SGIP1: variants seen among roughly 807,000 people sequenced by gnomAD.
The protein encoded by SGIP1 is SH3GL interacting endocytic adaptor 1.
A neutral mutation model predicts 107.5 loss-of-function variants in SGIP1; 38 were observed. The observed-to-expected ratio is 0.35, with a 90% CI of 0.27 to 0.46. SGIP1 has a LOEUF of 0.46. Among genes scored for constraint, SGIP1 ranks in the 20% least tolerant of loss-of-function variants. The probability of loss-of-function intolerance (pLI) is 1.00; values close to 1 mark genes in which losing one functional copy is unlikely to be tolerated. For missense variants in SGIP1, 929 were observed against 1,019.5 expected (o/e 0.91, Z 1.21); for synonymous variants, 365 against 366.1 (o/e 1.00, Z 0.03).
At chr1:66,595,258 C>A (rs2064407655) in intron 1 of SGIP1, among the ~76,000 whole-genome samples, 1 of 152,206 alleles carries the variant, frequency 6.6e-6, no homozygotes, top group Non-Finnish European at 1.5e-5. Flanking sequence ...ATATCTTTGC[C>A]AGTGCCTGTG....
chr1:66,625,060 A>C (rs1043137602), intron 1 of SGIP1, among the ~76,000 whole-genome samples: 12 of 152,200 alleles, frequency 7.9e-5, no homozygotes, highest in East Asian at 1.9e-4. Context: ...ATCACAGCCT[A>C]CTAGGGAAAC....
chr1:66,680,771 T>C (rs1279089847), intron 14 of SGIP1, among the ~76,000 whole-genome samples: 1 of 152,246 alleles, frequency 6.6e-6, no homozygotes, highest in Non-Finnish European at 1.5e-5. Context: ...CCTTGAAAGT[T>C]AATTCCTTTC....
chr1:66,661,385 C>T (rs1438684287), intron 8 of SGIP1, among the ~76,000 whole-genome samples: 1 of 152,118 alleles, frequency 6.6e-6, no homozygotes, highest in East Asian at 1.9e-4. Flanking sequence ...TTATGCTTCC[C>T]GCTGACCAAA....
chr1:66,690,078 A>C lies in SGIP1; in HGVS notation c.1444-112A>C, dbSNP rs921970460. ...TTTCAGTGTAAAAATGGTGTCATCT[A>C]TTCTTCAGATACCTAAGTTGTCATA... On this transcript the variant is annotated intron_variant, in intron 16 of 24. Transcript: ENST00000371037. 3 of 1,244,234 alleles carry C rather than the reference A, an allele frequency of 2.4e-6. No homozygotes were observed. The African/African-American group carries it at 4.5e-5, about 19-fold the overall frequency. The allele number at this position is 1,244,234 out of a possible 1,614,324, so 77.1% of individuals were successfully genotyped here. A position where few individuals can be genotyped will look rare whatever the true frequency, so the allele number is the denominator to read the frequency against.
At chr1:66,610,713 A>T (rs2067808990) in intron 1 of SGIP1, among the ~76,000 whole-genome samples, 1 of 83,252 alleles carries the variant, frequency 1.2e-5, no homozygotes, top group African/African-American at 5.6e-5. Flanking sequence ...GTCATAGTAT[A>T]GATTTTTTTT....
intron 1 of SGIP1, among the ~76,000 whole-genome samples, chr1:66,581,124 C>T (rs1328500964): frequency 6.6e-6 from 1 of 152,048 alleles, no homozygotes; most frequent in African/African-American, 2.4e-5. Flanking sequence ...TCTATTGAAA[C>T]ACTCTAAGAC....
intron 4 of SGIP1, among the ~76,000 whole-genome samples, chr1:66,638,886 G>A (rs114398753): frequency 1.4e-4 from 22 of 152,248 alleles, no homozygotes; most frequent in Non-Finnish European, 2.5e-4. Flanking sequence ...TCTGCTATGC[G>A]CAGTGACATA....
chr1:66,622,329 C>T (rs1023321819), intron 1 of SGIP1, among the ~76,000 whole-genome samples: 6 of 152,144 alleles, frequency 3.9e-5, no homozygotes, highest in African/African-American at 1.4e-4. Flanking sequence ...AGGCAACATA[C>T]GCATCCAGGG....
At chr1:66,656,413 C>A (rs543176098) in intron 7 of SGIP1, among the ~76,000 whole-genome samples, 1 of 152,250 alleles carries the variant, frequency 6.6e-6, no homozygotes, top group Admixed American at 6.5e-5. Flanking sequence ...AATACATAAA[C>A]CAGTAACAGC....
intron 1 of SGIP1, among the ~76,000 whole-genome samples, chr1:66,610,122 G>A (rs1384149947): frequency 6.6e-6 from 1 of 151,830 alleles, no homozygotes; most frequent in Non-Finnish European, 1.5e-5. Flanking sequence ...AGCCAAATAG[G>A]GTTCACCACA....
At chr1:66,649,603 G>A (rs1386756173) in intron 7 of SGIP1, among the ~76,000 whole-genome samples, 3 of 152,126 alleles carry the variant, frequency 2.0e-5, no homozygotes, top group Non-Finnish European at 4.4e-5. Flanking sequence ...TACATTTAGG[G>A]TAGAAGCAAA....
At chr1:66,637,579 A>G (rs2076036753) in intron 4 of SGIP1, among the ~76,000 whole-genome samples, 1 of 151,652 alleles carries the variant, frequency 6.6e-6, no homozygotes, top group South Asian at 2.1e-4. Flanking sequence ...TGAAGAAAAA[A>G]TTTCTACAAG....
At chr1:66,543,505 CA>C (rs2055522573) in intron 1 of SGIP1, among the ~76,000 whole-genome samples, 1 of 152,134 alleles carries the variant, frequency 6.6e-6, no homozygotes, top group Non-Finnish European at 1.5e-5. Context: ...GTAATGATTC[CA>C]AAACTGTGAA....
intron 8 of SGIP1, among the ~76,000 whole-genome samples, chr1:66,661,133 C>A (rs2081384179): frequency 6.6e-6 from 1 of 152,114 alleles, no homozygotes. Context: ...ATACGATGTA[C>A]CTACATCGTT....
chr1:66,640,951 C>T (rs913909890), intron 5 of SGIP1, among the ~76,000 whole-genome samples: 3 of 152,090 alleles, frequency 2.0e-5, no homozygotes, highest in African/African-American at 7.2e-5. Flanking sequence ...ACGAGAATTG[C>T]TTGAACCCGG....
chr1:66,648,016 G>A (rs2077972951), intron 7 of SGIP1, among the ~76,000 whole-genome samples: 1 of 152,190 alleles, frequency 6.6e-6, no homozygotes, highest in Non-Finnish European at 1.5e-5. Flanking sequence ...GGGGTGGGCA[G>A]AGGGAGAAGT....
intron 19 of SGIP1, among the ~76,000 whole-genome samples, chr1:66,726,406 C>T (rs867992024): frequency 4.6e-5 from 7 of 152,118 alleles, no homozygotes; most frequent in African/African-American, 1.4e-4. Context: ...TGTGGAAATT[C>T]AAAGGGCCTA....
chr1:66,569,410 C>A (rs2060085477), intron 1 of SGIP1, among the ~76,000 whole-genome samples: 1 of 151,600 alleles, frequency 6.6e-6, no homozygotes. Context: ...CTCCTCTATT[C>A]CTAGTTTACT....
intron 1 of SGIP1, among the ~76,000 whole-genome samples, chr1:66,616,575 G>T (rs775304661): frequency 6.6e-6 from 1 of 152,174 alleles, no homozygotes; most frequent in Admixed American, 6.5e-5. Flanking sequence ...GTCTTAGGAA[G>T]AAGTTTCCAA....
Sources: allele counts gnomAD v4.1 joint callset (sites outside exome capture counted in the v4.1 genomes callset), GRCh38; gene constraint gnomAD v4.1.1; transcripts MANE v1.5; gene names NCBI Gene and HGNC (gene_info 2026-07-23, HGNC 2026-07-21).